Variants in EYS observed in about 807,000 individuals in gnomAD.
The protein encoded by EYS is protein eyes shut homolog.
EYS carries 250 observed loss-of-function variants against 282.1 expected under a neutral mutation model. That is an observed-to-expected ratio of 0.89 (90% confidence interval 0.80 to 0.98). The LOEUF (loss-of-function observed/expected upper bound fraction) is 0.98. Among genes scored for constraint, EYS ranks in the 50% least tolerant of loss-of-function variants. The pLI, the probability that EYS is intolerant of heterozygous loss-of-function variation, is 0.00. For synonymous variants in EYS, 1,355 were observed against 1,282.9 expected (o/e 1.06, Z -1.20); for missense variants, 4,016 against 3,709.0 (o/e 1.08, Z -2.15).
At chr6:64,296,596 A>T (rs1173707755) in intron 30 of EYS, among the ~76,000 whole-genome samples, 863 of 5,870 alleles carry the variant, frequency 0.15, 56 homozygotes, top group African/African-American at 0.32. Context: ...ATATATATAT[A>T]TATTTTTTTT....
intron 28 of EYS, among the ~76,000 whole-genome samples, chr6:64,389,401 C>A (rs1262213663): frequency 6.6e-6 from 1 of 152,082 alleles, no homozygotes; most frequent in East Asian, 1.9e-4. Context: ...ATGAAAAAGA[C>A]AAAATACTTT....
chr6:64,227,184 A>G (rs1766275547), intron 31 of EYS, among the ~76,000 whole-genome samples: 1 of 152,038 alleles, frequency 6.6e-6, no homozygotes. Context: ...TGAAATCATT[A>G]TGAAAAGATA....
chr6:65,146,140 T>G (rs1003776536), intron 12 of EYS, among the ~76,000 whole-genome samples: 2 of 151,444 alleles, frequency 1.3e-5, no homozygotes, highest in African/African-American at 4.9e-5. Flanking sequence ...TTTGTTGAGT[T>G]AAGCATATAA....
At chr6:64,436,395 A>C (rs1271440769) in intron 27 of EYS, 130 bp from the exon 28 acceptor site, 2 of 582,338 alleles carry the variant, frequency 3.4e-6, no homozygotes, top group East Asian at 5.6e-5. Context: ...TTTGAAACTT[A>C]AAGAGAAGTG....
At chr6:65,400,183 C>G (rs542264408) in intron 7 of EYS, among the ~76,000 whole-genome samples, 1 of 152,136 alleles carries the variant, frequency 6.6e-6, no homozygotes, top group South Asian at 2.1e-4. Flanking sequence ...GAGAGGAATT[C>G]TCTAGGAATT....
At chr6:64,270,190 A>C (rs985308087) in intron 30 of EYS, among the ~76,000 whole-genome samples, 1 of 152,110 alleles carries the variant, frequency 6.6e-6, no homozygotes. Flanking sequence ...ATTTATATGC[A>C]CTACTCTGTT....
chr6:65,491,698 C>T (rs1206875684), intron 4 of EYS: 6 of 309,242 alleles, frequency 1.9e-5, no homozygotes, highest in Admixed American at 7.8e-5. Context: ...CAATAGGCCA[C>T]ACCCTAATTA....
chr6:64,922,962 A>C (rs959821911), intron 15 of EYS, among the ~76,000 whole-genome samples: 4 of 152,154 alleles, frequency 2.6e-5, no homozygotes, highest in African/African-American at 9.7e-5. Context: ...ATCCAGTATT[A>C]CTATGCTGAT....
chr6:65,034,595 C>T (rs1045640980), intron 13 of EYS, among the ~76,000 whole-genome samples: 1 of 152,048 alleles, frequency 6.6e-6, no homozygotes, highest in African/African-American at 2.4e-5. Flanking sequence ...CCTGCTTTTG[C>T]CATGTGATAT....
intron 29 of EYS, among the ~76,000 whole-genome samples, chr6:64,368,699 T>C (rs1013520266): frequency 6.6e-6 from 1 of 152,122 alleles, no homozygotes; most frequent in Non-Finnish European, 1.5e-5. Flanking sequence ...TGCCCACATG[T>C]GTGTCTTCTT....
intron 35 of EYS, among the ~76,000 whole-genome samples, chr6:63,968,642 A>G (rs931730816): frequency 1.3e-5 from 2 of 152,188 alleles, no homozygotes; most frequent in African/African-American, 4.8e-5. Flanking sequence ...AAGGCTCGAA[A>G]GGTGAAGGCA....
chr6:64,936,804 A>G (rs1583309866), intron 15 of EYS, among the ~76,000 whole-genome samples: 1 of 151,514 alleles, frequency 6.6e-6, no homozygotes, highest in Non-Finnish European at 1.5e-5. Flanking sequence ...TATGGCTGCC[A>G]TTTTCTTCAG....
At chr6:65,610,656 A>C (rs1765967250) in intron 2 of EYS, among the ~76,000 whole-genome samples, 2 of 152,174 alleles carry the variant, frequency 1.3e-5, no homozygotes, top group South Asian at 2.1e-4. Context: ...TCCTAACTGT[A>C]CTTTATTTAA....
intron 19 of EYS, among the ~76,000 whole-genome samples, chr6:64,856,829 A>T (rs765501938): frequency 1.3e-5 from 2 of 151,950 alleles, no homozygotes; most frequent in Admixed American, 6.6e-5. Context: ...ATATTTAAAA[A>T]CTTCATGCCA....
At chr6:65,040,712 C>A (rs1772908200) in intron 13 of EYS, among the ~76,000 whole-genome samples, 1 of 151,624 alleles carries the variant, frequency 6.6e-6, no homozygotes, top group Admixed American at 6.6e-5. Flanking sequence ...TCATTTCTAG[C>A]TTAGAACCAA....
intron 26 of EYS, among the ~76,000 whole-genome samples, chr6:64,547,589 G>A (rs1414669916): frequency 6.6e-6 from 1 of 152,204 alleles, no homozygotes; most frequent in Non-Finnish European, 1.5e-5. Context: ...GCCAATTGGT[G>A]TATTTACAAT....
intron 1 of EYS, among the ~76,000 whole-genome samples, chr6:65,649,137 C>CAA (rs369237730): frequency 0.032 from 2,258 of 71,378 alleles, 93 homozygotes; most frequent in African/African-American, 0.053. Flanking sequence ...GACTCTGTCT[C>CAA]AAAAAAAAAA....
At chr6:65,115,889 C>T (rs1208835499) in intron 12 of EYS, among the ~76,000 whole-genome samples, 1 of 152,010 alleles carries the variant, frequency 6.6e-6, no homozygotes, top group African/African-American at 2.4e-5. Flanking sequence ...TTCTGACTTC[C>T]AACATTATAC....
intron 7 of EYS, among the ~76,000 whole-genome samples, chr6:65,401,327 T>G (rs1766485440): frequency 6.6e-6 from 1 of 151,656 alleles, no homozygotes; most frequent in South Asian, 2.1e-4. Flanking sequence ...TCTCTATTAT[T>G]TCACCTGAGT....
Sources: allele counts gnomAD v4.1 joint callset (sites outside exome capture counted in the v4.1 genomes callset), GRCh38; gene constraint gnomAD v4.1.1; transcripts MANE v1.5; gene names NCBI Gene and HGNC (gene_info 2026-07-23, HGNC 2026-07-21).